The following GRIA2 variants were observed in gnomAD, a reference collection of about 807,000 sequenced individuals.
The protein encoded by GRIA2 is glutamate receptor 2.
Under a neutral mutation model 97.3 loss-of-function variants are expected in GRIA2, and 14 were observed. That is an observed-to-expected ratio of 0.14 (90% confidence interval 0.10 to 0.23). The LOEUF (loss-of-function observed/expected upper bound fraction) is 0.23. GRIA2 is among the 10% of genes least tolerant of loss of function. The pLI, the probability that GRIA2 is intolerant of heterozygous loss-of-function variation, is 1.00. For synonymous variants in GRIA2, 412 were observed against 387.8 expected, an observed-to-expected ratio of 1.06 and a Z score of -0.73; for missense variants, 558 against 1,069.8, an observed-to-expected ratio of 0.52 and a Z score of 6.67.
intron 12 of GRIA2, among the ~76,000 whole-genome samples, chr4:157,353,495 C>T (rs1736108665): frequency 6.6e-6 from 1 of 151,386 alleles, no homozygotes; most frequent in African/African-American, 2.4e-5. Context: ...ACGATGAAAC[C>T]CCGTCTCTAA....
chr4:157,325,970 C>A (rs1734786743), intron 6 of GRIA2, among the ~76,000 whole-genome samples: 1 of 152,140 alleles, frequency 6.6e-6, no homozygotes, highest in African/African-American at 2.4e-5. Context: ...GCTCCAATGT[C>A]TCTCCATTTC....
At chr4:157,317,918 G>C (rs752176598) in intron 5 of GRIA2, among the ~76,000 whole-genome samples, 3 of 152,112 alleles carry the variant, frequency 2.0e-5, no homozygotes, top group Middle Eastern at 3.2e-3. Flanking sequence ...GGAGGTTGCA[G>C]TGAGCTGAGA....
At chr4:157,297,526 A>G (rs528952583) in intron 2 of GRIA2, among the ~76,000 whole-genome samples, 1 of 152,092 alleles carries the variant, frequency 6.6e-6, no homozygotes, top group Admixed American at 6.6e-5. Context: ...TAATATTTTT[A>G]TCGTTTTTTA....
chr4:157,311,517 T>A (rs1382229403), intron 3 of GRIA2, among the ~76,000 whole-genome samples: 1 of 152,046 alleles, frequency 6.6e-6, no homozygotes, highest in African/African-American at 2.4e-5. Flanking sequence ...TTTTTCTTTT[T>A]TGAAATAGTT....
chr4:157,276,108 T>C (rs1342496084), intron 2 of GRIA2, among the ~76,000 whole-genome samples: 1 of 152,132 alleles, frequency 6.6e-6, no homozygotes, highest in East Asian at 1.9e-4. Flanking sequence ...TCCTAGGTAT[T>C]TTATTCTCTT....
chr4:157,362,135 A>G (rs2127002938), intron 14 of GRIA2, among the ~76,000 whole-genome samples: 1 of 152,254 alleles, frequency 6.6e-6, no homozygotes, highest in African/African-American at 2.4e-5. Context: ...CTAGTGGATG[A>G]GAGTACACTG....
At chr4:157,229,026 A>G (rs1234257230) in intron 2 of GRIA2, among the ~76,000 whole-genome samples, 1 of 152,082 alleles carries the variant, frequency 6.6e-6, no homozygotes, top group East Asian at 1.9e-4. Context: ...CCCAACCAGG[A>G]TATTTTATAC....
intron 2 of GRIA2, among the ~76,000 whole-genome samples, chr4:157,223,410 G>A (rs1376705395): frequency 1.3e-5 from 2 of 152,186 alleles, no homozygotes; most frequent in African/African-American, 2.4e-5. Context: ...AAAGAGAGAA[G>A]AGGAGAATTA....
intron 11 of GRIA2, among the ~76,000 whole-genome samples, chr4:157,338,762 A>G (rs1015866819): frequency 3.9e-5 from 6 of 152,058 alleles, no homozygotes; most frequent in Non-Finnish European, 8.8e-5. Flanking sequence ...TTTGAGGTAC[A>G]TATCTTTCAC....
intron 2 of GRIA2, among the ~76,000 whole-genome samples, chr4:157,261,113 A>C (rs770631090): frequency 6.6e-6 from 1 of 152,192 alleles, no homozygotes; most frequent in East Asian, 1.9e-4. Flanking sequence ...TAATGGATTC[A>C]TAGTTCCATA....
Position 157,221,150 on chromosome 4 carries a change from T to C in GRIA2, c.88+20T>C. ...AGATAGGTAGGTACCCTTTGTGCTA[T>C]GCTTTTGAATTGTGCATAATTTGGT... On this transcript the variant is annotated intron_variant, in intron 1 of 15. Coordinates refer to ENST00000264426, the MANE Select transcript of GRIA2 (RefSeq NM_001083619.3). The C allele has an allele frequency of 2.6e-6, 3 of 1,173,308 alleles. No homozygotes were observed. The highest frequency in any genetic ancestry group is 1.7e-5 in the Admixed American group (1 of 59,158). The allele number at this position is 1,173,308 out of a possible 1,614,324, so 72.7% of individuals were successfully genotyped here. A position where few individuals can be genotyped will look rare whatever the true frequency, so the allele number is the denominator to read the frequency against.
chr4:157,357,748 C>T (rs1208237296), intron 12 of GRIA2, among the ~76,000 whole-genome samples: 2 of 152,038 alleles, frequency 1.3e-5, no homozygotes, highest in Non-Finnish European at 2.9e-5. Flanking sequence ...ACTGCAAAGA[C>T]AGCGATCAAC....
chr4:157,283,888 T>C (rs1645622422), intron 2 of GRIA2, among the ~76,000 whole-genome samples: 1 of 151,944 alleles, frequency 6.6e-6, no homozygotes, highest in African/African-American at 2.4e-5. Context: ...ATATGATGTC[T>C]TTCCCAAAGG....
intron 2 of GRIA2, among the ~76,000 whole-genome samples, chr4:157,237,086 T>C (rs759837914): frequency 1.3e-5 from 2 of 152,126 alleles, no homozygotes; most frequent in Non-Finnish European, 2.9e-5. Context: ...TTTCCCACCG[T>C]AGTTTATTTT....
At chr4:157,293,616 T>C (rs1331328188) in intron 2 of GRIA2, among the ~76,000 whole-genome samples, 1 of 152,140 alleles carries the variant, frequency 6.6e-6, no homozygotes, top group Non-Finnish European at 1.5e-5. Context: ...TCAGTATGCT[T>C]GTTTAAATTT....
rs138703325 is a variant in GRIA2 at position 157,346,631 on chromosome 4, TTAAA to T, written c.2043+5172_2043+5175del. On this transcript the variant is annotated intron_variant, in intron 12 of 15. Transcript: ENST00000264426. ...AGATCTGTCACCAATGCTTAAATAT[TTAAA>T]TAGTTTCAAAAATAGTAGGTATTAA... Among the ~76,000 whole-genome samples, 355 of 152,256 alleles carry T rather than the reference TTAAA, an allele frequency of 2.3e-3. 2 individuals are homozygous for T. The highest frequency in any genetic ancestry group is 8.2e-3 in the African/African-American group (341 of 41,566).
chr4:157,223,820 A>G (rs911282174), intron 2 of GRIA2, among the ~76,000 whole-genome samples: 4 of 152,242 alleles, frequency 2.6e-5, no homozygotes, highest in African/African-American at 9.6e-5. Flanking sequence ...TTCTGCAAAA[A>G]TAACATATGT....
chr4:157,227,969 C>A (rs1384574832), intron 2 of GRIA2, among the ~76,000 whole-genome samples: 2 of 152,152 alleles, frequency 1.3e-5, no homozygotes, highest in Non-Finnish European at 2.9e-5. Flanking sequence ...TCTTACAATG[C>A]TGTTCATAAG....
intron 9 of GRIA2, 197 bp from the exon 10 acceptor site, chr4:157,335,474 T>A (rs1735239629): frequency 1.7e-6 from 1 of 573,926 alleles, no homozygotes; most frequent in Non-Finnish European, 3.1e-6. Flanking sequence ...CTTAATGAAT[T>A]ATAGTGATAG....
Sources: allele counts gnomAD v4.1 joint callset (sites outside exome capture counted in the v4.1 genomes callset), GRCh38; gene constraint gnomAD v4.1.1; transcripts MANE v1.5; gene names NCBI Gene and HGNC (gene_info 2026-07-23, HGNC 2026-07-21).